The following DNAH11 variants were observed in gnomAD, a reference collection of about 807,000 sequenced individuals.
The protein encoded by DNAH11 is dynein axonemal heavy chain 11, also known as axonemal beta dynein heavy chain 11.
Under a neutral mutation model 526.0 loss-of-function variants are expected in DNAH11, and 442 were observed. The observed-to-expected ratio is 0.84, with a 90% CI of 0.78 to 0.91. The LOEUF is 0.91. DNAH11 is among the 40% of genes least tolerant of loss of function. The probability of loss-of-function intolerance (pLI) is 0.00; values close to 1 mark genes in which losing one functional copy is unlikely to be tolerated. For synonymous variants in DNAH11, 2,461 were observed against 1,935.9 expected, an observed-to-expected ratio of 1.27 and a Z score of -7.12; for missense variants, 6,989 against 5,448.7, an observed-to-expected ratio of 1.28 and a Z score of -8.90.
chr7:21,734,654 G>A (rs1054721490), intron 45 of DNAH11, among the ~76,000 whole-genome samples: 3 of 152,036 alleles, frequency 2.0e-5, no homozygotes, highest in Non-Finnish European at 2.9e-5. Flanking sequence ...CCAGGAGTTT[G>A]AGACGAGTCT....
intron 42 of DNAH11, among the ~76,000 whole-genome samples, chr7:21,715,380 C>G (rs17274454): frequency 0.023 from 3,507 of 152,298 alleles, 77 homozygotes; most frequent in Non-Finnish European, 0.038. Flanking sequence ...TAGGAGGACT[C>G]ATTTGCAAAT....
intron 28 of DNAH11, among the ~76,000 whole-genome samples, chr7:21,640,075 C>T (rs1053793191): frequency 5.9e-5 from 9 of 152,086 alleles, no homozygotes; most frequent in Non-Finnish European, 1.0e-4. Flanking sequence ...CAAGTGCAGT[C>T]GTGCTGTTAG....
intron 42 of DNAH11, among the ~76,000 whole-genome samples, chr7:21,715,556 G>A (rs1784626159): frequency 6.6e-6 from 1 of 152,104 alleles, no homozygotes; most frequent in Admixed American, 6.5e-5. Context: ...TCAATTGTAT[G>A]TAATATAATA....
At chr7:21,675,365 G>A (rs190253031) in intron 30 of DNAH11, among the ~76,000 whole-genome samples, 144 of 152,226 alleles carry the variant, frequency 9.5e-4, no homozygotes, top group Middle Eastern at 3.4e-3. Context: ...GTGGCATAAC[G>A]ACTGCCTCCC....
intron 76 of DNAH11, among the ~76,000 whole-genome samples, chr7:21,886,360 G>T (rs11763709): frequency 1.1e-4 from 16 of 151,854 alleles, no homozygotes; most frequent in Admixed American, 6.5e-4. Flanking sequence ...TAGAAAACTG[G>T]GGACATTCTT....
intron 69 of DNAH11, 28 bp from the exon 70 acceptor site, chr7:21,864,507 A>C: frequency 1.2e-6 from 2 of 1,606,320 alleles, no homozygotes; most frequent in Non-Finnish European, 1.7e-6. Context: ...AAACCTAATA[A>C]TCCTTTTCAA....
intron 67 of DNAH11, among the ~76,000 whole-genome samples, chr7:21,853,904 T>C (rs1782733353): frequency 6.6e-6 from 1 of 152,216 alleles, no homozygotes; most frequent in African/African-American, 2.4e-5. Context: ...ACTGCTTTTG[T>C]ATGCTTTGTT....
At position 21,879,417 on chromosome 7, in the gene DNAH11, T is replaced by G. The variant is rs115376695; in HGVS notation, c.12196-1285T>G. Among the ~76,000 whole-genome samples the G allele has an allele frequency of 6.7e-3, 1,015 of 151,164 alleles. 11 individuals carry two copies. Among genetic ancestry groups the G allele is most frequent in the African/African-American group, 0.023 (954 of 41,172 alleles). ...GGTTGCAGTGAGCAGAGATAGCCCC[T>G]CTGGTGACAGAGCAAGACTCCATCT... is the stretch of plus-strand genomic sequence containing the variant. On this transcript the variant is annotated intron_variant, in intron 74 of 81. Transcript: ENST00000409508.
intron 57 of DNAH11, among the ~76,000 whole-genome samples, chr7:21,781,241 TAC>T (rs925520883): frequency 6.6e-6 from 1 of 152,190 alleles, no homozygotes; most frequent in African/African-American, 2.4e-5. Flanking sequence ...ACTCACAAAG[TAC>T]ACAGCCACGT....
chr7:21,691,676 TTTTTC>T (rs1210454477), intron 35 of DNAH11, among the ~76,000 whole-genome samples: 1 of 152,238 alleles, frequency 6.6e-6, no homozygotes, highest in Non-Finnish European at 1.5e-5. Context: ...GTAGGCATGA[TTTTTC>T]TTTAGTTCTC....
chr7:21,687,037 C>T, intron 32 of DNAH11, 62 bp from the exon 33 acceptor site: 4 of 1,503,240 alleles, frequency 2.7e-6, no homozygotes, highest in Non-Finnish European at 3.6e-6. Flanking sequence ...AATGTATTGC[C>T]TCTGATGTTT....
rs78653098 is a variant in DNAH11, at chr7:21,591,290, G to A, written c.2380G>A (p.Glu794Lys). The A allele has an allele frequency of 7.9e-4, 1,270 of 1,613,416 alleles. 7 individuals carry two copies. In the African/African-American group the frequency reaches 0.013, roughly 16 times the overall value. Reference protein sequence around the residue: ...LIEDELRAIDEQLTAATTWLT... With the variant: ...LIEDELRAIDKQLTAATTWLT... Reference sequence around the variant, plus strand: ...TGAAGATGAGCTGAGGGCTATTGACGAGCAGCTGACAGCAGCCACAACGTG... The same window carrying A: ...TGAAGATGAGCTGAGGGCTATTGACAAGCAGCTGACAGCAGCCACAACGTG... Residue 794 changes from glutamate (E) to lysine (K), a missense_variant, in exon 14 of 82, where the codon GAG becomes AAG. Coordinates refer to ENST00000409508, the MANE Select transcript of DNAH11 (RefSeq NM_001277115.2).
At chr7:21,735,976 C>A in intron 46 of DNAH11, 132 bp downstream of exon 46, 1 of 845,286 alleles carries the variant, frequency 1.2e-6, no homozygotes, top group Non-Finnish European at 1.8e-6. Context: ...TGAATTTGTA[C>A]TTATCATCCT....
In DNAH11 at chr7:21,543,230, C is replaced by T. The variant is rs1162619344; in HGVS notation, c.-16C>T. Reference sequence around the variant, plus strand: ...GAGGAGCCAGCCGGCCTCGCGTTCCCTCGGACGGTTGCCCAATGGCAGCCC... The same window carrying T: ...GAGGAGCCAGCCGGCCTCGCGTTCCTTCGGACGGTTGCCCAATGGCAGCCC... On this transcript the variant is annotated 5_prime_UTR_variant, in exon 1 of 82. Transcript: ENST00000409508. 1 of 1,517,702 alleles carries T rather than the reference C, an allele frequency of 6.6e-7. No individual in the cohort carries two copies. Among genetic ancestry groups the T allele is most frequent in the Non-Finnish European group, 8.8e-7 (1 of 1,133,336 alleles). The allele number at this position is 1,517,702 out of a possible 1,614,324, so 94.0% of individuals were successfully genotyped here.
At chr7:21,760,856 C>T (rs200743019) in intron 54 of DNAH11, among the ~76,000 whole-genome samples, 3,692 of 83,464 alleles carry the variant, frequency 0.044, 246 homozygotes, top group Admixed American at 0.22. Flanking sequence ...AACCAACAGC[C>T]CCTAAGGTGT....
intron 65 of DNAH11, among the ~76,000 whole-genome samples, chr7:21,838,193 A>C (rs932218629): frequency 2.0e-5 from 3 of 152,228 alleles, no homozygotes; most frequent in African/African-American, 7.2e-5. Flanking sequence ...CCATCAAAAG[A>C]GGCAGGTTAA....
intron 65 of DNAH11, among the ~76,000 whole-genome samples, chr7:21,842,172 C>A (rs537697422): frequency 1.3e-5 from 2 of 152,158 alleles, no homozygotes; most frequent in Non-Finnish European, 2.9e-5. Flanking sequence ...CTGGTTTCTT[C>A]ATATGTTGTT....
chr7:21,893,883 T>C (rs1316251258), intron 77 of DNAH11, among the ~76,000 whole-genome samples: 1 of 152,184 alleles, frequency 6.6e-6, no homozygotes, highest in African/African-American at 2.4e-5. Flanking sequence ...TATGTGACTT[T>C]TATTCTATTT....
rs545097877 is a variant in DNAH11 at position 21,740,740 on chromosome 7, A to G, written c.7914+1067A>G. Among the ~76,000 whole-genome samples, 3 of 152,350 alleles carry G rather than the reference A, an allele frequency of 2.0e-5. No homozygotes were observed. The East Asian group carries it at 5.8e-4, about 29-fold the overall frequency. Reference sequence around the variant, plus strand: ...TTTTAATTCTTTGGGGTGTACACCCAGCAATACAATTGCTGCATCATATCG... The same window carrying G: ...TTTTAATTCTTTGGGGTGTACACCCGGCAATACAATTGCTGCATCATATCG... On this transcript the variant is annotated intron_variant, in intron 48 of 81. Coordinates refer to ENST00000409508, the MANE Select transcript of DNAH11 (RefSeq NM_001277115.2).
Sources: allele counts gnomAD v4.1 joint callset (sites outside exome capture counted in the v4.1 genomes callset), GRCh38; gene constraint gnomAD v4.1.1; transcripts MANE v1.5; gene names NCBI Gene and HGNC (gene_info 2026-07-23, HGNC 2026-07-21).